The following NLGN1 variants were observed in gnomAD, a reference collection of about 807,000 sequenced individuals.
The protein encoded by NLGN1 is neuroligin-1.
NLGN1 carries 12 observed loss-of-function variants against 65.5 expected under a neutral mutation model. The ratio of observed to expected loss-of-function variants is 0.18; its 90% confidence interval spans 0.12 to 0.30. The LOEUF (loss-of-function observed/expected upper bound fraction) is 0.30, where lower values mean the gene tolerates loss of function less well. NLGN1 is among the 10% of genes least tolerant of loss of function. The probability of loss-of-function intolerance (pLI) is 1.00; values close to 1 mark genes in which losing one functional copy is unlikely to be tolerated. For synonymous variants in NLGN1, 350 were observed against 359.5 expected (o/e 0.97, Z 0.30); for missense variants, 750 against 1,007.1 (o/e 0.74, Z 3.46).
At chr3:174,126,821 A>G (rs1719043750) in intron 4 of NLGN1, among the ~76,000 whole-genome samples, 1 of 152,160 alleles carries the variant, frequency 6.6e-6, no homozygotes, top group Non-Finnish European at 1.5e-5. Flanking sequence ...TTTACACAAT[A>G]CTTACTAAAA....
intron 4 of NLGN1, among the ~76,000 whole-genome samples, chr3:174,074,791 C>T (rs986892727): frequency 6.6e-6 from 1 of 152,190 alleles, no homozygotes; most frequent in African/African-American, 2.4e-5. Flanking sequence ...AGTTCAATTA[C>T]TCTCTTCAGC....
At chr3:174,229,957 GATTA>G (rs1268177062) in intron 4 of NLGN1, among the ~76,000 whole-genome samples, 3 of 152,170 alleles carry the variant, frequency 2.0e-5, no homozygotes, top group East Asian at 3.9e-4. Flanking sequence ...ATCCCAAAAT[GATTA>G]ATTAAACATC....
At chr3:173,421,537 C>G (rs1051916342) in intron 1 of NLGN1, among the ~76,000 whole-genome samples, 1 of 151,678 alleles carries the variant, frequency 6.6e-6, no homozygotes. Flanking sequence ...GAGACAGGGT[C>G]TCTGTCACGC....
chr3:173,714,097 A>G (rs1323891470), intron 3 of NLGN1, among the ~76,000 whole-genome samples: 2 of 152,186 alleles, frequency 1.3e-5, no homozygotes, highest in Admixed American at 6.5e-5. Context: ...AAATTATAAC[A>G]TTAAATTGGT....
At chr3:173,550,946 C>T (rs1012612300) in intron 2 of NLGN1, among the ~76,000 whole-genome samples, 10 of 152,176 alleles carry the variant, frequency 6.6e-5, no homozygotes, top group Admixed American at 6.5e-5. Flanking sequence ...TGAGAGCTTC[C>T]GATTTTTCTC....
intron 1 of NLGN1, among the ~76,000 whole-genome samples, chr3:173,419,366 G>T (rs570686578): frequency 5.3e-5 from 8 of 150,666 alleles, no homozygotes; most frequent in Non-Finnish European, 8.9e-5. Flanking sequence ...CAGGAAGGGG[G>T]TTATCTCGGG....
At chr3:174,228,872 T>C (rs1294416424) in intron 4 of NLGN1, among the ~76,000 whole-genome samples, 1 of 152,100 alleles carries the variant, frequency 6.6e-6, no homozygotes, top group African/African-American at 2.4e-5. Context: ...ATATTTATTA[T>C]AATATAGACA....
At chr3:173,605,561 GA>G (rs1223283322) in intron 3 of NLGN1, 1 of 1,287,414 alleles carries the variant, frequency 7.8e-7, no homozygotes, top group Admixed American at 2.3e-5. Context: ...GAATGTGCCA[GA>G]AAGCCCGGCA....
intron 4 of NLGN1, among the ~76,000 whole-genome samples, chr3:174,078,029 A>G (rs984360994): frequency 1.3e-5 from 2 of 152,190 alleles, no homozygotes; most frequent in Non-Finnish European, 1.5e-5. Context: ...ATATGTATCT[A>G]TATATGCCAC....
rs74623951 is a variant in NLGN1, at chr3:173,997,465, G to A, written c.646+189633G>A. 4.6e-5 allele frequency among the ~76,000 whole-genome samples: 7 copies of A among 152,176 alleles called. No homozygotes were observed. In the East Asian group the frequency reaches 9.7e-4, roughly 21 times the overall value. ...TTTTTTAAGGTGACTTTTAAAATACGTTTACAGAATTCTAAGAGTCTTAAT... is the reference window on the plus strand; with the variant it reads ...TTTTTTAAGGTGACTTTTAAAATACATTTACAGAATTCTAAGAGTCTTAAT... On this transcript the variant is annotated intron_variant, in intron 4 of 6. Coordinates refer to ENST00000457714, the Ensembl canonical transcript of NLGN1.
intron 2 of NLGN1, among the ~76,000 whole-genome samples, chr3:173,592,159 G>A (rs1195956932): frequency 6.6e-6 from 1 of 152,128 alleles, no homozygotes. Context: ...GGCTTCCTAA[G>A]TAGATTCTAG....
chr3:174,265,034 C>A (rs13067660), intron 4 of NLGN1, among the ~76,000 whole-genome samples: 1 of 152,200 alleles, frequency 6.6e-6, no homozygotes, highest in South Asian at 2.1e-4. Flanking sequence ...GCAGTCTGCC[C>A]GTTCTCAGAT....
At chr3:173,829,431 C>A (rs574403877) in intron 4 of NLGN1, among the ~76,000 whole-genome samples, 69 of 152,056 alleles carry the variant, frequency 4.5e-4, no homozygotes, top group African/African-American at 1.6e-3. Flanking sequence ...AATAAAAATT[C>A]TATACAATGT....
At chr3:174,281,627 TAAAAAA>T (rs1751550511) in exon 7 of NLGN1, 1 of 214,962 alleles carries the variant, frequency 4.7e-6, no homozygotes, top group Non-Finnish European at 9.3e-6. Context: ...GTCTGAAATA[TAAAAAA>T]TAAAAATAAA....
At chr3:174,126,894 C>CT (rs1222659812) in intron 4 of NLGN1, among the ~76,000 whole-genome samples, 1 of 152,044 alleles carries the variant, frequency 6.6e-6, no homozygotes, top group African/African-American at 2.4e-5. Flanking sequence ...ACATTAGAAG[C>CT]TTTTTTTCTG....
chr3:174,147,149 A>AT (rs1171541107), intron 4 of NLGN1, among the ~76,000 whole-genome samples: 1 of 152,010 alleles, frequency 6.6e-6, no homozygotes, highest in South Asian at 2.1e-4. Context: ...TACGGCCGGT[A>AT]TTTTTTGTTA....
intron 4 of NLGN1, among the ~76,000 whole-genome samples, chr3:174,109,960 A>G (rs1326733758): frequency 6.6e-6 from 1 of 152,096 alleles, no homozygotes; most frequent in African/African-American, 2.4e-5. Flanking sequence ...TGATAATTAA[A>G]GACATTTTAA....
At chr3:174,262,424 G>T (rs200532988) in intron 4 of NLGN1, among the ~76,000 whole-genome samples, 18,457 of 130,246 alleles carry the variant, frequency 0.14, 1,105 homozygotes, top group East Asian at 0.42. Context: ...GAGAGTGTAT[G>T]TGTCAAGGAA....
chr3:173,702,060 A>C (rs1767259268), intron 3 of NLGN1, among the ~76,000 whole-genome samples: 1 of 151,888 alleles, frequency 6.6e-6, no homozygotes. Flanking sequence ...TAAAACGGTG[A>C]AACCCCGTCT....
Sources: allele counts gnomAD v4.1 joint callset (sites outside exome capture counted in the v4.1 genomes callset), GRCh38; gene constraint gnomAD v4.1.1; transcripts MANE v1.5; gene names NCBI Gene and HGNC (gene_info 2026-07-23, HGNC 2026-07-21).